The following SMURF2 variants were observed in gnomAD, a reference collection of about 807,000 sequenced individuals.
SMURF2 encodes the protein E3 ubiquitin-protein ligase SMURF2.
Under a neutral mutation model 109.6 loss-of-function variants are expected in SMURF2, and 48 were observed. The observed-to-expected ratio is 0.44, with a 90% CI of 0.35 to 0.56. The LOEUF is 0.56. Ranked by LOEUF, SMURF2 falls within the 20% of genes least tolerant of loss-of-function variation. The probability of loss-of-function intolerance (pLI) is 0.01; values close to 1 mark genes in which losing one functional copy is unlikely to be tolerated. For missense variants in SMURF2, 575 were observed against 909.0 expected, an observed-to-expected ratio of 0.63 and a Z score of 4.72; for synonymous variants, 288 against 317.1, an observed-to-expected ratio of 0.91 and a Z score of 0.97.
Position 64,545,798 on chromosome 17 carries a change from TGTCA to T in SMURF2, c.*46_*49del, listed in dbSNP as rs1555683046. On this transcript the variant is annotated 3_prime_UTR_variant, in exon 19 of 19. Coordinates refer to ENST00000262435, the MANE Select transcript of SMURF2 (RefSeq NM_022739.4). Reference sequence around the variant, plus strand: ...CTTTGAAACTCTGCTGAAAGGAGGCTGTCAGTCAGGGTTGTATAAATAGAGTCCT... The same window carrying T: ...CTTTGAAACTCTGCTGAAAGGAGGCTGTCAGGGTTGTATAAATAGAGTCCT... The T allele has an allele frequency of 4.4e-6, 4 of 905,864 alleles. No individual in the cohort carries two copies. The highest frequency in any genetic ancestry group is 7.1e-6 in the Non-Finnish European group (4 of 567,318). 56.1% of individuals were successfully genotyped at this position (905,864 alleles called of 1,614,324 possible).
chr17:64,562,312 A>AAG lies in SMURF2; in HGVS notation c.1212+457_1212+458dup, dbSNP rs1286113740. On this transcript the variant is annotated intron_variant, in intron 11 of 18. Coordinates refer to ENST00000262435, the MANE Select transcript of SMURF2 (RefSeq NM_022739.4). The stretch of plus-strand genomic sequence containing the variant: ...AAAAAAAAAAAAAAAAAAAAAAAAA[A>AAG]AGAGAGAGAGAGAAAAATTAGCACT... Among the ~76,000 whole-genome samples, 329 of 148,406 alleles carry AAG rather than the reference A, an allele frequency of 2.2e-3. 1 individual carries two copies. The highest frequency in any genetic ancestry group is 2.4e-3 in the Non-Finnish European group (162 of 67,188).
Position 64,661,896 on chromosome 17 carries a change from G to A in SMURF2, c.-16C>T. ...GGTTAGACATGTCCCCGGCGGCGGG[G>A]GCGGCGGGGGCGGCGGGCGGCACGG... On this transcript the variant is annotated 5_prime_UTR_variant, in exon 1 of 19. Transcript: ENST00000262435. 1 of 1,166,778 alleles carries A rather than the reference G, an allele frequency of 8.6e-7. No individual in the cohort carries two copies. 72.3% of individuals were successfully genotyped at this position (1,166,778 alleles called of 1,614,324 possible).
chr17:64,609,559 T>G (rs1215634216), intron 1 of SMURF2, among the ~76,000 whole-genome samples: 5 of 152,124 alleles, frequency 3.3e-5, no homozygotes, highest in African/African-American at 1.2e-4. Flanking sequence ...TTGGGAAAAC[T>G]GACTAGCCAT....
chr17:64,634,132 C>T (rs782443610), intron 1 of SMURF2, among the ~76,000 whole-genome samples: 5 of 152,116 alleles, frequency 3.3e-5, no homozygotes, highest in East Asian at 1.9e-4. Flanking sequence ...CCAGCCTGGG[C>T]GACAGTGAGA....
At chr17:64,577,112 G>A (rs967413342) in intron 9 of SMURF2, among the ~76,000 whole-genome samples, 2 of 151,750 alleles carry the variant, frequency 1.3e-5, no homozygotes, top group African/African-American at 2.4e-5. Flanking sequence ...ACATGCACAC[G>A]TATGTTTATT....
chr17:64,637,129 A>ATT (rs546886359), intron 1 of SMURF2, among the ~76,000 whole-genome samples: 38 of 143,908 alleles, frequency 2.6e-4, no homozygotes, highest in African/African-American at 7.6e-4. Flanking sequence ...TATCTAAGAG[A>ATT]TTTTTTTTTT....
rs1555687045 is a variant in SMURF2 at position 64,586,114 on chromosome 17, G to A, written c.457C>T (p.Arg153Cys). The change falls in exon 6 of 19, where the codon CGT becomes TGT. Residue 153 changes from arginine (R) to cysteine (C), a missense_variant. Physicochemically the swap from Arg to Cys is radical, Grantham distance 180. Transcript: ENST00000262435. ...GTGGQVVDCS[R>C]LFDNDLPDGW... is the part of the protein sequence containing the mutation. ...TCTGGTAAATCGTTATCAAATAAAC[G>A]ACTGCAGTCCACAACTTGTCCTCCT... The A allele has an allele frequency of 9.3e-6, 15 of 1,610,030 alleles. No homozygotes were observed. Among genetic ancestry groups the A allele is most frequent in the East Asian group, 2.2e-5 (1 of 44,698 alleles).
intron 10 of SMURF2, among the ~76,000 whole-genome samples, chr17:64,567,026 A>G (rs1969324281): frequency 6.6e-6 from 1 of 150,470 alleles, no homozygotes; most frequent in Admixed American, 6.6e-5. Flanking sequence ...ATGCACCACC[A>G]CGCCTACTTT....
intron 18 of SMURF2, 127 bp from the exon 19 acceptor site, chr17:64,546,074 A>T (rs1968950220): frequency 1.2e-6 from 1 of 849,692 alleles, no homozygotes; most frequent in South Asian, 1.7e-5. Flanking sequence ...TCTCTAAAAC[A>T]GAGATGACCA....
Position 64,547,344 on chromosome 17 carries a change from A to C in SMURF2, c.2071+256T>G, listed in dbSNP as rs894983291. 2.0e-5 allele frequency among the ~76,000 whole-genome samples: 3 copies of C among 152,198 alleles called. No individual in the cohort carries two copies. Among genetic ancestry groups the C allele is most frequent in the Non-Finnish European group, 4.4e-5 (3 of 68,036 alleles). The stretch of plus-strand genomic sequence containing the variant: ...ACAGAATTAAAAGTAAGGTGACCAG[A>C]AAACAAAGGCAGAGCATCACCACGT... On this transcript the variant is annotated intron_variant, in intron 17 of 18. Coordinates refer to ENST00000262435, the MANE Select transcript of SMURF2 (RefSeq NM_022739.4). The surrounding 1 kb of genome is among the most constrained non-coding windows in gnomAD (Gnocchi z 4.2).
intron 1 of SMURF2, among the ~76,000 whole-genome samples, chr17:64,651,565 C>T (rs546234174): frequency 6.8e-6 from 1 of 147,408 alleles, no homozygotes; most frequent in South Asian, 2.1e-4. Context: ...GAGCAAGACC[C>T]TACCTCAGAA....
At chr17:64,604,635 G>A (rs571897988) in intron 2 of SMURF2, among the ~76,000 whole-genome samples, 1 of 152,176 alleles carries the variant, frequency 6.6e-6, no homozygotes, top group South Asian at 2.1e-4. Context: ...CTTGGAGAGT[G>A]CAGAAGCAGC....
intron 1 of SMURF2, among the ~76,000 whole-genome samples, chr17:64,643,754 G>C (rs984494659): frequency 6.6e-6 from 1 of 152,148 alleles, no homozygotes; most frequent in East Asian, 1.9e-4. Context: ...GATACTAATA[G>C]AGAGGGACAC....
chr17:64,563,033 A>T, intron 10 of SMURF2, 67 bp from the exon 11 acceptor site: 2 of 1,306,262 alleles, frequency 1.5e-6, no homozygotes, highest in Non-Finnish European at 2.1e-6. Flanking sequence ...TATAGATTTA[A>T]AATAGCATCA....
intron 1 of SMURF2, among the ~76,000 whole-genome samples, chr17:64,621,646 T>G (rs1970204246): frequency 1.3e-5 from 2 of 150,202 alleles, no homozygotes; most frequent in Non-Finnish European, 3.0e-5. Flanking sequence ...GAGGCCGAGG[T>G]GGGTGGATCA....
chr17:64,596,116 G>T (rs1302883378), intron 3 of SMURF2, among the ~76,000 whole-genome samples: 2 of 151,774 alleles, frequency 1.3e-5, no homozygotes, highest in Non-Finnish European at 2.9e-5. Flanking sequence ...ATACATATAT[G>T]TGTAAGTAGC....
In SMURF2 at chr17:64,621,902, TA is replaced by T. The variant is rs1423846375; in HGVS notation, c.53-15263del. Among the ~76,000 whole-genome samples the T allele has an allele frequency of 3.5e-4, 46 of 132,896 alleles. No homozygotes were observed. In the South Asian group the frequency reaches 5.1e-3, roughly 15 times the overall value. The allele number at this position is 132,896 out of a possible 152,430, so 87.2% of individuals were successfully genotyped here. ...CAAAATAAATAAATAAATAAATAAA[TA>T]AATAATAATAATAATAATAATAAAA... On this transcript the variant is annotated intron_variant, in intron 1 of 18. Coordinates refer to ENST00000262435, the MANE Select transcript of SMURF2 (RefSeq NM_022739.4).
At chr17:64,625,456 T>C (rs782585080) in intron 1 of SMURF2, among the ~76,000 whole-genome samples, 2 of 152,182 alleles carry the variant, frequency 1.3e-5, no homozygotes, top group East Asian at 1.9e-4. Flanking sequence ...GTTCAAAAAA[T>C]TGCTATGCAG....
Position 64,562,957 on chromosome 17 carries a change from G to C in SMURF2, c.1026C>G (p.Asn342Lys). 1.2e-6 allele frequency: 2 copies of C among 1,612,366 alleles called. No individual in the cohort carries two copies. Among genetic ancestry groups the C allele is most frequent in the Non-Finnish European group, 1.7e-6 (2 of 1,179,126 alleles). ...ANLHLVLNRQ[N>K]QLKDQQQQQV... The stretch of plus-strand genomic sequence containing the variant: ...GCTGTTGCTGTTGGTCTTTCAATTG[G>C]TTCTGCCGACTAGAAGTAAACATAG... Residue 342 changes from asparagine (N) to lysine (K), a missense_variant, in exon 11 of 19, where the codon AAC (asparagine) becomes AAG (lysine). Around this residue, in one of 5 missense-constraint regions of SMURF2, gnomAD observed 361 missense variants for 612.1 expected, o/e 0.59. Transcript: ENST00000262435.
Sources: allele counts gnomAD v4.1 joint callset (sites outside exome capture counted in the v4.1 genomes callset), GRCh38; gene constraint gnomAD v4.1.1; regional missense constraint gnomAD v4.1.1; non-coding constraint Gnocchi (gnomAD v3.1); transcripts MANE v1.5; gene names NCBI Gene and HGNC (gene_info 2026-07-23, HGNC 2026-07-21).